The following GALNTL6 variants were observed in gnomAD, a reference collection of about 807,000 sequenced individuals.
The protein encoded by GALNTL6 is polypeptide N-acetylgalactosaminyltransferase like 6.
Under a neutral mutation model 73.7 loss-of-function variants are expected in GALNTL6, and 46 were observed. That is an observed-to-expected ratio of 0.62 (90% CI 0.49 to 0.80). The LOEUF (loss-of-function observed/expected upper bound fraction) is 0.80. Ranked by LOEUF, GALNTL6 falls within the 30% of genes least tolerant of loss-of-function variation. The probability of loss-of-function intolerance (pLI) is 0.00; values close to 1 mark genes in which losing one functional copy is unlikely to be tolerated. For synonymous variants in GALNTL6, 259 were observed against 263.7 expected, an observed-to-expected ratio of 0.98 and a Z score of 0.17; for missense variants, 604 against 755.0, an observed-to-expected ratio of 0.80 and a Z score of 2.34.
intron 2 of GALNTL6, among the ~76,000 whole-genome samples, chr4:172,095,566 C>G (rs1732328677): frequency 6.6e-6 from 1 of 152,120 alleles, no homozygotes; most frequent in Non-Finnish European, 1.5e-5. Context: ...GAGTCTCCCT[C>G]TAGCATCCTG....
At chr4:172,496,922 T>C (rs1734088697) in intron 5 of GALNTL6, among the ~76,000 whole-genome samples, 1 of 152,216 alleles carries the variant, frequency 6.6e-6, no homozygotes, top group African/African-American at 2.4e-5. Context: ...CATTATGTGA[T>C]TATTTAAACA....
chr4:172,031,013 C>A (rs1280619167), intron 2 of GALNTL6, among the ~76,000 whole-genome samples: 1 of 152,014 alleles, frequency 6.6e-6, no homozygotes, highest in Non-Finnish European at 1.5e-5. Context: ...CTTCCTACCC[C>A]ATTCTGTCTC....
intron 7 of GALNTL6, among the ~76,000 whole-genome samples, chr4:172,858,111 T>A (rs1206341147): frequency 6.6e-6 from 1 of 152,208 alleles, no homozygotes; most frequent in Non-Finnish European, 1.5e-5. Context: ...AAATGCATTT[T>A]TCAATGGCAC....
rs190643576 is a variant in GALNTL6 at position 172,454,022 on chromosome 4, A to G, written c.553+105333A>G. Among the ~76,000 whole-genome samples the G allele has an allele frequency of 1.1e-3, 173 of 152,348 alleles. 1 individual carries two copies. The highest frequency in any genetic ancestry group is 1.7e-3 in the Non-Finnish European group (119 of 68,026). On this transcript the variant is annotated intron_variant, in intron 5 of 12. Coordinates refer to ENST00000506823, the MANE Select transcript of GALNTL6 (RefSeq NM_001034845.3). The stretch of plus-strand genomic sequence containing the variant: ...TACTGAGAACATCCTACAGGCAAGC[A>G]TGGTGCTATGTCCTCCACAAATTCC...
chr4:172,522,469 G>A (rs1007545537), intron 5 of GALNTL6, among the ~76,000 whole-genome samples: 2 of 152,216 alleles, frequency 1.3e-5, no homozygotes, highest in African/African-American at 2.4e-5. Flanking sequence ...TTGGGATTTC[G>A]AGATTAGCCT....
intron 2 of GALNTL6, among the ~76,000 whole-genome samples, chr4:172,071,367 T>C (rs1286203266): frequency 9.1e-6 from 1 of 110,260 alleles, no homozygotes; most frequent in Admixed American, 9.4e-5. Flanking sequence ...GTTTAATTAT[T>C]GTTCATTTCT....
chr4:172,879,360 T>C (rs1250687436), intron 7 of GALNTL6, among the ~76,000 whole-genome samples: 2 of 151,842 alleles, frequency 1.3e-5, no homozygotes, highest in Non-Finnish European at 2.9e-5. Flanking sequence ...TTTACCAAGA[T>C]AGACCATATT....
chr4:172,982,044 C>G (rs1751088369), intron 10 of GALNTL6, among the ~76,000 whole-genome samples: 2 of 152,054 alleles, frequency 1.3e-5, no homozygotes, highest in Admixed American at 6.6e-5. Flanking sequence ...ATCTGCCTGC[C>G]TCGGCCTCCC....
At chr4:172,584,156 A>G (rs1217763201) in intron 5 of GALNTL6, among the ~76,000 whole-genome samples, 2 of 152,146 alleles carry the variant, frequency 1.3e-5, no homozygotes, top group African/African-American at 2.4e-5. Flanking sequence ...GGAGAGTGCA[A>G]TAAAATGTGA....
chr4:171,846,113 T>A (rs927922243), intron 2 of GALNTL6, among the ~76,000 whole-genome samples: 5 of 152,198 alleles, frequency 3.3e-5, no homozygotes, highest in African/African-American at 1.2e-4. Context: ...AAATTTTTAT[T>A]CATTTGTGAG....
At chr4:172,692,400 T>A (rs539376238) in intron 5 of GALNTL6, among the ~76,000 whole-genome samples, 1 of 152,282 alleles carries the variant, frequency 6.6e-6, no homozygotes, top group South Asian at 2.1e-4. Flanking sequence ...TTAAAGTCTC[T>A]TGATAAACAT....
Position 171,977,351 on chromosome 4 carries a change from C to T in GALNTL6, c.138+162633C>T, listed in dbSNP as rs577226249. ...AGAGTAGTATATTAGTTTTCTAGGACTGCCATAATAAAGTACCACAGACTG... is the reference window on the plus strand; with the variant it reads ...AGAGTAGTATATTAGTTTTCTAGGATTGCCATAATAAAGTACCACAGACTG... On this transcript the variant is annotated intron_variant, in intron 2 of 12. Transcript: ENST00000506823. Among the ~76,000 whole-genome samples, 57 of 152,282 alleles carry T rather than the reference C, an allele frequency of 3.7e-4. 2 individuals carry two copies. The South Asian group carries it at 0.011, about 30-fold the overall frequency.
intron 2 of GALNTL6, among the ~76,000 whole-genome samples, chr4:171,827,478 A>C (rs1034111434): frequency 6.6e-6 from 1 of 151,966 alleles, no homozygotes; most frequent in African/African-American, 2.4e-5. Flanking sequence ...CTTGTTCTGC[A>C]CTCTCCCTGG....
At chr4:172,978,587 C>T (rs900739811) in intron 10 of GALNTL6, among the ~76,000 whole-genome samples, 2 of 152,142 alleles carry the variant, frequency 1.3e-5, no homozygotes, top group African/African-American at 4.8e-5. Context: ...CAATTCATCC[C>T]CTTATGTTAG....
intron 5 of GALNTL6, among the ~76,000 whole-genome samples, chr4:172,582,376 C>G (rs1173044733): frequency 6.6e-6 from 1 of 152,124 alleles, no homozygotes; most frequent in African/African-American, 2.4e-5. Context: ...CCCTTGGTAT[C>G]TTGGTATCCG....
intron 5 of GALNTL6, among the ~76,000 whole-genome samples, chr4:172,632,117 A>C (rs1047313283): frequency 6.6e-6 from 1 of 152,222 alleles, no homozygotes. Flanking sequence ...TGAATCAATT[A>C]AACCACTTTT....
chr4:172,653,453 T>C (rs1217587011), intron 5 of GALNTL6, among the ~76,000 whole-genome samples: 1 of 152,110 alleles, frequency 6.6e-6, no homozygotes, highest in Admixed American at 6.5e-5. Context: ...ACTCCTGACC[T>C]CAGGTGATCT....
At chr4:172,768,401 T>C (rs566811740) in intron 5 of GALNTL6, among the ~76,000 whole-genome samples, 5 of 152,306 alleles carry the variant, frequency 3.3e-5, no homozygotes, top group African/African-American at 1.2e-4. Context: ...GAACTTGACC[T>C]CAGCCAGTAT....
intron 2 of GALNTL6, among the ~76,000 whole-genome samples, chr4:172,225,810 ATAAC>A (rs1736844233): frequency 6.6e-6 from 1 of 152,206 alleles, no homozygotes; most frequent in Non-Finnish European, 1.5e-5. Context: ...ATAATTAAAA[ATAAC>A]TAGTTCCCAG....
Sources: gnomAD v4.1 joint callset for allele counts (sites outside exome capture counted in the v4.1 genomes callset) on GRCh38, gnomAD v4.1.1 for gene constraint, MANE v1.5 for transcripts, NCBI Gene and HGNC (gene_info 2026-07-23, HGNC 2026-07-21) for gene names.